The following AUTS2 variants were observed in gnomAD, a reference collection of about 807,000 sequenced individuals.
The protein encoded by AUTS2 is activator of transcription and developmental regulator AUTS2, also known as autism susceptibility gene 2 protein.
AUTS2 carries 17 observed loss-of-function variants against 112.4 expected under a neutral mutation model. The observed-to-expected ratio is 0.15, with a 90% CI of 0.10 to 0.23. AUTS2 has a LOEUF of 0.23. Ranked by LOEUF, AUTS2 falls within the 10% of genes least tolerant of loss-of-function variation. AUTS2 has a pLI of 1.00. For missense variants in AUTS2, 1,510 were observed against 1,701.6 expected (o/e 0.89, Z 1.98); for synonymous variants, 751 against 702.7 (o/e 1.07, Z -1.09).
chr7:69,767,367 A>G (rs1368447415), intron 1 of AUTS2, among the ~76,000 whole-genome samples: 3 of 151,824 alleles, frequency 2.0e-5, no homozygotes, highest in Non-Finnish European at 4.4e-5. Context: ...TGTAGGGACA[A>G]GGTTTCACCA....
At chr7:70,583,848 G>A (rs905015679) in intron 5 of AUTS2, among the ~76,000 whole-genome samples, 2 of 152,204 alleles carry the variant, frequency 1.3e-5, no homozygotes, top group Non-Finnish European at 2.9e-5. Context: ...CTACCAAGTG[G>A]ACAATTATGG....
chr7:69,876,501 TATATATATATATATATATATA>T (rs1793797481), intron 1 of AUTS2, among the ~76,000 whole-genome samples: 1 of 8,186 alleles, frequency 1.2e-4, no homozygotes, highest in Non-Finnish European at 2.3e-4. Flanking sequence ...TATATATATA[TATATATATATATATATATATA>T]TATATATATA....
intron 1 of AUTS2, among the ~76,000 whole-genome samples, chr7:69,641,907 T>A (rs1477787273): frequency 6.6e-6 from 1 of 152,228 alleles, no homozygotes; most frequent in African/African-American, 2.4e-5. Flanking sequence ...GACATTTCCC[T>A]TTAAAGTATT....
chr7:69,871,214 AAGGTATGTT>A (rs1793481322), intron 1 of AUTS2, among the ~76,000 whole-genome samples: 1 of 152,182 alleles, frequency 6.6e-6, no homozygotes, highest in Non-Finnish European at 1.5e-5. Context: ...TGTGTAAGAA[AAGGTATGTT>A]AGGATTTCTT....
intron 6 of AUTS2, among the ~76,000 whole-genome samples, chr7:70,721,254 C>T (rs1041078598): frequency 5.5e-5 from 8 of 145,074 alleles, no homozygotes; most frequent in Non-Finnish European, 1.0e-4. Context: ...ACACGACTGA[C>T]GTGTGTGACA....
intron 5 of AUTS2, among the ~76,000 whole-genome samples, chr7:70,543,453 C>A (rs557262276): frequency 6.6e-6 from 1 of 151,180 alleles, no homozygotes; most frequent in Non-Finnish European, 1.5e-5. Context: ...CGCTTGAACC[C>A]GGGAGGCAGA....
At chr7:69,822,705 C>G (rs771832727) in intron 1 of AUTS2, among the ~76,000 whole-genome samples, 71 of 152,154 alleles carry the variant, frequency 4.7e-4, no homozygotes, top group Middle Eastern at 6.8e-3. Context: ...AGAATCTTGC[C>G]CCACCCAAGA....
At chr7:70,730,687 G>A (rs1271421585) in intron 6 of AUTS2, among the ~76,000 whole-genome samples, 1 of 151,648 alleles carries the variant, frequency 6.6e-6, no homozygotes, top group African/African-American at 2.4e-5. Flanking sequence ...CTATTTTTTT[G>A]GCTACTTTGA....
chr7:69,635,418 A>G (rs140119756), intron 1 of AUTS2, among the ~76,000 whole-genome samples: 16 of 152,322 alleles, frequency 1.1e-4, no homozygotes, highest in Middle Eastern at 6.8e-3. Context: ...GAATAATAAT[A>G]TAGTTATACC....
Position 69,681,012 on chromosome 7 carries a change from A to T in AUTS2, c.309+81050A>T, listed in dbSNP as rs142767462. 8.0e-3 allele frequency among the ~76,000 whole-genome samples: 1,221 copies of T among 152,346 alleles called. 19 individuals are homozygous for T. Among genetic ancestry groups the T allele is most frequent in the African/African-American group, 0.028 (1,150 of 41,574 alleles). ...ATACCTCATCTAAATGGAATTACAT[A>T]GTATTTGTCTTTTTGTGACTGACTT... is the stretch of plus-strand genomic sequence containing the variant. On this transcript the variant is annotated intron_variant, in intron 1 of 18. Transcript: ENST00000342771.
intron 2 of AUTS2, among the ~76,000 whole-genome samples, chr7:70,045,190 A>G (rs1027913696): frequency 6.6e-6 from 1 of 152,196 alleles, no homozygotes; most frequent in African/African-American, 2.4e-5. Context: ...GGCAAAGTTT[A>G]TGAAGGAAGT....
rs752148406 is a variant in AUTS2, at chr7:69,742,111, C to CTTTT, written c.309+142165_309+142168dup. 6.2e-4 allele frequency among the ~76,000 whole-genome samples: 78 copies of CTTTT among 125,676 alleles called. 1 individual carries two copies. The highest frequency in any genetic ancestry group is 2.3e-3 in the African/African-American group (75 of 32,792). 82.4% of individuals were successfully genotyped at this position (125,676 alleles called of 152,430 possible). ...GCCACTGGTGCCCAGCCTATTTTAC[C>CTTTT]TTTTTTTTTTTTTTTTTTTGAGGGG... is the stretch of plus-strand genomic sequence containing the variant. On this transcript the variant is annotated intron_variant, in intron 1 of 18. Coordinates refer to ENST00000342771, the MANE Select transcript of AUTS2 (RefSeq NM_015570.4).
intron 2 of AUTS2, among the ~76,000 whole-genome samples, chr7:70,060,056 CTTCTG>C (rs1313103871): frequency 6.6e-6 from 1 of 152,152 alleles, no homozygotes; most frequent in African/African-American, 2.4e-5. Context: ...AGTACAGTGT[CTTCTG>C]TTCTGATATT....
intron 6 of AUTS2, among the ~76,000 whole-genome samples, chr7:70,760,168 G>A (rs940103974): frequency 2.0e-5 from 3 of 152,102 alleles, no homozygotes; most frequent in Non-Finnish European, 4.4e-5. Context: ...ACCACGCCCG[G>A]CTAATTTTTT....
chr7:69,794,927 C>G (rs999594115), intron 1 of AUTS2, among the ~76,000 whole-genome samples: 1 of 152,170 alleles, frequency 6.6e-6, no homozygotes, highest in Non-Finnish European at 1.5e-5. Context: ...CATCTTTCCA[C>G]TCATTCCTTC....
rs201240486 is a variant in AUTS2 at position 70,270,038 on chromosome 7, CAAA to C, written c.660+135473_660+135475del. On this transcript the variant is annotated intron_variant, in intron 4 of 18. Transcript: ENST00000342771. ...TAGGTGACAGAGCGGGACCTTGTCT[CAAA>C]AAAAACAAACAAAAACAGAATTGGT... Among the ~76,000 whole-genome samples the C allele has an allele frequency of 4.0e-3, 603 of 150,692 alleles. 3 individuals carry two copies. The highest frequency in any genetic ancestry group is 6.9e-3 in the Non-Finnish European group (467 of 67,694).
At chr7:70,375,726 T>C (rs1793055183) in intron 4 of AUTS2, among the ~76,000 whole-genome samples, 1 of 152,158 alleles carries the variant, frequency 6.6e-6, no homozygotes, top group Non-Finnish European at 1.5e-5. Context: ...GTGTGTAAGG[T>C]GGGGTTGGTG....
chr7:70,436,121 C>A (rs1053762025), intron 5 of AUTS2: 2 of 233,180 alleles, frequency 8.6e-6, no homozygotes, highest in African/African-American at 2.2e-5. Flanking sequence ...ATGATGAGAA[C>A]GTTAAACTTG....
At chr7:69,711,715 G>A (rs894410092) in intron 1 of AUTS2, among the ~76,000 whole-genome samples, 28 of 152,024 alleles carry the variant, frequency 1.8e-4, no homozygotes, top group African/African-American at 4.8e-4. Flanking sequence ...TTATTAGCTC[G>A]ATTCCTTACA....
Sources: gnomAD v4.1 joint callset for allele counts (sites outside exome capture counted in the v4.1 genomes callset) on GRCh38, gnomAD v4.1.1 for gene constraint, MANE v1.5 for transcripts, NCBI Gene and HGNC (gene_info 2026-07-23, HGNC 2026-07-21) for gene names.